Variants in EPHA6 observed in about 807,000 individuals in gnomAD.
The protein encoded by EPHA6 is ephrin type-A receptor 6.
EPHA6 carries 50 observed loss-of-function variants against 112.0 expected under a neutral mutation model. The observed-to-expected ratio is 0.45, with a 90% CI of 0.36 to 0.56. The LOEUF is 0.56. Ranked by LOEUF, EPHA6 falls within the 20% of genes least tolerant of loss-of-function variation. The pLI is 0.00. For synonymous variants in EPHA6, 529 were observed against 490.7 expected, an observed-to-expected ratio of 1.08 and a Z score of -1.03; for missense variants, 1,280 against 1,417.4, an observed-to-expected ratio of 0.90 and a Z score of 1.56.
At chr3:97,733,286 A>T (rs988789120) in intron 15 of EPHA6, among the ~76,000 whole-genome samples, 1 of 151,998 alleles carries the variant, frequency 6.6e-6, no homozygotes. Context: ...TCAAGTACCT[A>T]CCTCTTAGAG....
intron 6 of EPHA6, among the ~76,000 whole-genome samples, chr3:97,444,259 C>T (rs1051602215): frequency 9.9e-5 from 15 of 151,922 alleles, no homozygotes; most frequent in African/African-American, 3.1e-4. Context: ...AGAGGTGACA[C>T]CTTTTAGAAA....
intron 2 of EPHA6, among the ~76,000 whole-genome samples, chr3:96,879,972 T>C (rs957781671): frequency 1.3e-5 from 2 of 151,972 alleles, no homozygotes; most frequent in Non-Finnish European, 2.9e-5. Flanking sequence ...GAGGGGGCAG[T>C]GAAGGATGAA....
chr3:97,641,252 T>C (rs552370327), intron 14 of EPHA6, among the ~76,000 whole-genome samples: 2 of 152,292 alleles, frequency 1.3e-5, no homozygotes, highest in East Asian at 3.9e-4. Context: ...CTGTCAAAAC[T>C]TTGTTTATAA....
At chr3:96,819,590 T>A (rs1273095164) in intron 1 of EPHA6, among the ~76,000 whole-genome samples, 1 of 152,066 alleles carries the variant, frequency 6.6e-6, no homozygotes, top group African/African-American at 2.4e-5. Flanking sequence ...TGACTCACCA[T>A]TTTGGGTTTA....
intron 6 of EPHA6, among the ~76,000 whole-genome samples, chr3:97,410,509 G>T (rs1344385032): frequency 6.6e-6 from 1 of 151,910 alleles, no homozygotes; most frequent in East Asian, 1.9e-4. Flanking sequence ...ACACATCTTT[G>T]TTCTCTGCCT....
rs554355461 is a variant in EPHA6, at chr3:97,648,398, A to T, written c.2784+10316A>T. Reference sequence around the variant, plus strand: ...AGCCTACACCCAACTGGAGATAATTATAAAAAATAATGAAGCAGCATGAGG... The same window carrying T: ...AGCCTACACCCAACTGGAGATAATTTTAAAAAATAATGAAGCAGCATGAGG... On this transcript the variant is annotated intron_variant, in intron 14 of 17. Transcript: ENST00000389672. The T allele has an allele frequency of 6.5e-5, 99 of 1,533,996 alleles. No homozygotes were observed. The South Asian group carries it at 1.3e-3, about 20-fold the overall frequency.
chr3:97,645,166 T>G (rs2107589733), intron 14 of EPHA6, among the ~76,000 whole-genome samples: 2 of 151,858 alleles, frequency 1.3e-5, no homozygotes, highest in East Asian at 3.9e-4. Context: ...CATTACTAGG[T>G]ATATACCCAA....
intron 3 of EPHA6, among the ~76,000 whole-genome samples, chr3:97,167,111 G>T (rs1475208341): frequency 2.0e-5 from 3 of 152,046 alleles, no homozygotes; most frequent in African/African-American, 7.2e-5. Context: ...AAATGCTGTT[G>T]TGCCAGGAAG....
At chr3:97,748,251 AT>A (rs1208566251) in intron 17 of EPHA6, among the ~76,000 whole-genome samples, 1 of 152,064 alleles carries the variant, frequency 6.6e-6, no homozygotes, top group Non-Finnish European at 1.5e-5. Context: ...ATTATATAGC[AT>A]TTACGCCTAT....
intron 6 of EPHA6, among the ~76,000 whole-genome samples, chr3:97,408,269 G>A (rs559847345): frequency 1.1e-4 from 17 of 152,040 alleles, no homozygotes; most frequent in South Asian, 6.2e-4. Context: ...AAATGAGGCC[G>A]GGCACGGTGG....
At chr3:97,508,849 G>A (rs891094225) in intron 10 of EPHA6, among the ~76,000 whole-genome samples, 1 of 151,932 alleles carries the variant, frequency 6.6e-6, no homozygotes, top group Non-Finnish European at 1.5e-5. Flanking sequence ...TCTGTATTAG[G>A]TGCATATATA....
chr3:96,881,060 C>T (rs1195463652), intron 2 of EPHA6, among the ~76,000 whole-genome samples: 3 of 152,094 alleles, frequency 2.0e-5, no homozygotes, highest in Non-Finnish European at 4.4e-5. Flanking sequence ...TGGGTCATAT[C>T]CCAATTCTGT....
At chr3:97,268,402 C>G (rs1011039160) in intron 5 of EPHA6, among the ~76,000 whole-genome samples, 2 of 152,068 alleles carry the variant, frequency 1.3e-5, no homozygotes, top group Admixed American at 1.3e-4. Context: ...GTGCCTGTCA[C>G]AATAATCTTT....
chr3:97,346,954 G>C (rs1468931770), intron 5 of EPHA6, among the ~76,000 whole-genome samples: 1 of 152,078 alleles, frequency 6.6e-6, no homozygotes, highest in Non-Finnish European at 1.5e-5. Context: ...GAATGAAGGA[G>C]AGTCTGATGA....
At chr3:96,890,230 A>G (rs1045854107) in intron 2 of EPHA6, among the ~76,000 whole-genome samples, 2 of 152,164 alleles carry the variant, frequency 1.3e-5, no homozygotes, top group African/African-American at 2.4e-5. Flanking sequence ...GGCAACACAC[A>G]GGTTGGAAGA....
At chr3:96,962,795 C>G (rs2041991643) in intron 2 of EPHA6, among the ~76,000 whole-genome samples, 1 of 151,808 alleles carries the variant, frequency 6.6e-6, no homozygotes, top group Non-Finnish European at 1.5e-5. Context: ...ATTCATCATT[C>G]TTGATAGTAG....
chr3:97,489,004 C>G (rs2091767594), intron 10 of EPHA6, among the ~76,000 whole-genome samples: 2 of 152,202 alleles, frequency 1.3e-5, no homozygotes, highest in South Asian at 4.1e-4. Context: ...ATATGAATCA[C>G]AGCTTTGCTA....
chr3:97,582,094 A>G (rs934922425), intron 11 of EPHA6, among the ~76,000 whole-genome samples: 9 of 151,916 alleles, frequency 5.9e-5, no homozygotes, highest in African/African-American at 2.2e-4. Flanking sequence ...CAATGGCCCA[A>G]TCTCAGCTTA....
intron 5 of EPHA6, among the ~76,000 whole-genome samples, chr3:97,373,272 C>T (rs1449318447): frequency 5.9e-5 from 9 of 152,034 alleles, no homozygotes; most frequent in Non-Finnish European, 5.9e-5. Flanking sequence ...ATACAGTTTT[C>T]CATTTCTGTT....
Sources: gnomAD v4.1 joint callset for allele counts (sites outside exome capture counted in the v4.1 genomes callset) on GRCh38, gnomAD v4.1.1 for gene constraint, MANE v1.5 for transcripts, NCBI Gene and HGNC (gene_info 2026-07-23, HGNC 2026-07-21) for gene names.